PSMD1: variants seen among roughly 807,000 people sequenced by gnomAD.
PSMD1 encodes the protein proteasome 26S subunit, non-ATPase 1.
PSMD1 carries 18 observed loss-of-function variants against 119.0 expected under a neutral mutation model. The observed-to-expected ratio is 0.15, with a 90% CI of 0.10 to 0.22. The LOEUF (loss-of-function observed/expected upper bound fraction) is 0.22. PSMD1 is among the 10% of genes least tolerant of loss of function. The probability of loss-of-function intolerance (pLI) is 1.00; values close to 1 mark genes in which losing one functional copy is unlikely to be tolerated. For missense variants in PSMD1, 702 were observed against 1,158.5 expected, an observed-to-expected ratio of 0.61 and a Z score of 5.72; for synonymous variants, 374 against 396.6, an observed-to-expected ratio of 0.94 and a Z score of 0.68.
At chr2:231,130,398 C>T (rs139266972) in intron 16 of PSMD1, among the ~76,000 whole-genome samples, 1,590 of 152,262 alleles carry the variant, frequency 0.01, 7 homozygotes, top group Non-Finnish European at 0.016. Flanking sequence ...ACTGCCCTTC[C>T]CTAAAATAAA....
intron 16 of PSMD1, among the ~76,000 whole-genome samples, chr2:231,127,688 A>G (rs1300051802): frequency 6.6e-6 from 1 of 152,212 alleles, no homozygotes; most frequent in South Asian, 2.1e-4. Flanking sequence ...ATAATGATGG[A>G]TAGCACAGTG....
At chr2:231,100,131 G>C (rs1258243056) in intron 16 of PSMD1, among the ~76,000 whole-genome samples, 1 of 152,200 alleles carries the variant, frequency 6.6e-6, no homozygotes, top group East Asian at 1.9e-4. Flanking sequence ...ACCATCCCGG[G>C]AGGGGAATGC....
chr2:231,060,689 G>C (rs775934579), intron 1 of PSMD1, among the ~76,000 whole-genome samples: 3 of 152,118 alleles, frequency 2.0e-5, no homozygotes, highest in Non-Finnish European at 4.4e-5. Flanking sequence ...GTAAAACCCA[G>C]GTTACTTGTG....
chr2:231,086,455 A>G (rs1327417757), intron 15 of PSMD1, among the ~76,000 whole-genome samples: 2 of 151,902 alleles, frequency 1.3e-5, no homozygotes, highest in African/African-American at 4.8e-5. Flanking sequence ...TCAGGAGTTT[A>G]AGACTAGCAT....
chr2:231,171,728 G>A (rs1696916595), intron 24 of PSMD1, among the ~76,000 whole-genome samples: 1 of 151,844 alleles, frequency 6.6e-6, no homozygotes, highest in African/African-American at 2.4e-5. Flanking sequence ...GGCTGATTTT[G>A]TATTTTTAGT....
intron 12 of PSMD1, 28 bp from the exon 13 acceptor site, chr2:231,082,855 A>G (rs753330465): frequency 1.3e-6 from 2 of 1,534,928 alleles, no homozygotes; most frequent in Admixed American, 1.7e-5. Flanking sequence ...AGTGTACCAA[A>G]TCAATGGAAT....
chr2:231,141,639 T>G (rs1696119060), intron 17 of PSMD1, among the ~76,000 whole-genome samples: 1 of 151,828 alleles, frequency 6.6e-6, no homozygotes, highest in Admixed American at 6.6e-5. Flanking sequence ...GGCTTTATTT[T>G]TCTTCACAGC....
At chr2:231,069,557 T>G (rs561207689) in intron 5 of PSMD1, among the ~76,000 whole-genome samples, 1 of 152,162 alleles carries the variant, frequency 6.6e-6, no homozygotes. Flanking sequence ...ACCAGACAGA[T>G]GTGGCAGTAC....
At chr2:231,078,792 T>A (rs925289230) in intron 10 of PSMD1, 45 bp downstream of exon 10, 140 of 315,168 alleles carry the variant, frequency 4.4e-4, no homozygotes, top group Non-Finnish European at 6.5e-4. Flanking sequence ...AATCTTTTTC[T>A]TTTTTTTTTT....
At chr2:231,140,624 T>G (rs929827909) in intron 17 of PSMD1, among the ~76,000 whole-genome samples, 4 of 151,922 alleles carry the variant, frequency 2.6e-5, no homozygotes, top group African/African-American at 9.7e-5. Context: ...ACACCTGTAA[T>G]CACAGCACTT....
chr2:231,140,243 C>CCCAG (rs1045367112), intron 17 of PSMD1, among the ~76,000 whole-genome samples: 1 of 152,050 alleles, frequency 6.6e-6, no homozygotes, highest in African/African-American at 2.4e-5. Flanking sequence ...CACCTGTAAT[C>CCCAG]CCAGCACTTT....
chr2:231,111,866 TTAGTG>T lies in PSMD1; in HGVS notation c.1883+24688_1883+24692del, dbSNP rs1207563886. Among the ~76,000 whole-genome samples the T allele has an allele frequency of 3.3e-5, 5 of 152,332 alleles. No homozygotes were observed. In the East Asian group the frequency reaches 5.8e-4, roughly 18 times the overall value. ...CTCCTGCATCACTCATCACTTTGTG[TTAGTG>T]TAATTTGTTTATATGTCCGCCTTTC... is the stretch of plus-strand genomic sequence containing the variant. On this transcript the variant is annotated intron_variant, in intron 16 of 24. Transcript: ENST00000308696.
chr2:231,145,889 C>G (rs1288106612), intron 17 of PSMD1, among the ~76,000 whole-genome samples: 1 of 70,516 alleles, frequency 1.4e-5, no homozygotes, highest in Non-Finnish European at 2.3e-5. Context: ...GTTGAAGCTA[C>G]ATCTCAAAAA....
chr2:231,139,566 A>AG (rs1696056119), intron 17 of PSMD1, among the ~76,000 whole-genome samples: 1 of 148,726 alleles, frequency 6.7e-6, no homozygotes, highest in South Asian at 2.1e-4. Context: ...CTTAAAAAAA[A>AG]AAAAAAAAAG....
At chr2:231,130,697 A>G (rs113959774) in intron 16 of PSMD1, among the ~76,000 whole-genome samples, 6 of 152,328 alleles carry the variant, frequency 3.9e-5, no homozygotes, top group South Asian at 2.1e-4. Context: ...GGTTCATGCA[A>G]TCAGTCCTCC....
In PSMD1 at chr2:231,143,140, AT is replaced by A. The variant is rs202234095; in HGVS notation, c.1999-3090del. On this transcript the variant is annotated intron_variant, in intron 17 of 24. Coordinates refer to ENST00000308696, the MANE Select transcript of PSMD1 (RefSeq NM_002807.4). ...TTTGTTGTTTTTCTTGTTGTTTTGT[AT>A]TTTTTTTTTAACTCTAATCTCAATG... is the stretch of plus-strand genomic sequence containing the variant. Among the ~76,000 whole-genome samples the A allele has an allele frequency of 1.5e-3, 221 of 146,624 alleles. 2 individuals are homozygous for A. In the East Asian group the frequency reaches 0.026, roughly 17 times the overall value.
chr2:231,094,652 A>G (rs748807775), intron 16 of PSMD1, among the ~76,000 whole-genome samples: 54 of 152,292 alleles, frequency 3.5e-4, no homozygotes, highest in Non-Finnish European at 7.1e-4. Flanking sequence ...TTTCTACCAA[A>G]TTGCCACTTT....
chr2:231,165,034 TTATATATATATATATATA>T lies in PSMD1; in HGVS notation c.2482-126_2482-109del, dbSNP rs66656378. The T allele has an allele frequency of 8.4e-3, 186 of 22,040 alleles. 1 individual carries two copies. Among genetic ancestry groups the T allele is most frequent in the Non-Finnish European group, 0.011 (148 of 13,264 alleles). 1.4% of individuals were successfully genotyped at this position (22,040 alleles called of 1,614,324 possible). A position where few individuals can be genotyped will look rare whatever the true frequency, so the allele number is the denominator to read the frequency against. On this transcript the variant is annotated intron_variant, in intron 21 of 24. Coordinates refer to ENST00000308696, the MANE Select transcript of PSMD1 (RefSeq NM_002807.4). ...CATTTATTCTTTGATTTATATATAT[TTATATATATATATATATA>T]TATATATATATATATATATATATAT...
intron 18 of PSMD1, among the ~76,000 whole-genome samples, chr2:231,146,774 A>G (rs905740671): frequency 6.6e-6 from 1 of 152,194 alleles, no homozygotes; most frequent in African/African-American, 2.4e-5. Flanking sequence ...GCCTGCAGTC[A>G]CTTTGTATCG....
Sources: allele counts gnomAD v4.1 joint callset (sites outside exome capture counted in the v4.1 genomes callset), GRCh38; gene constraint gnomAD v4.1.1; transcripts MANE v1.5; gene names NCBI Gene and HGNC (gene_info 2026-07-23, HGNC 2026-07-21).